The following VPS41 variants were observed in gnomAD, a reference collection of about 807,000 sequenced individuals.
The protein encoded by VPS41 is VPS41 subunit of HOPS complex, also known as vacuolar protein sorting-associated protein 41 homolog.
A neutral mutation model predicts 130.9 loss-of-function variants in VPS41; 85 were observed. The observed-to-expected ratio is 0.65, with a 90% CI of 0.55 to 0.78. VPS41 has a LOEUF of 0.78. VPS41 is among the 30% of genes least tolerant of loss of function. VPS41 has a pLI of 0.00. For synonymous variants in VPS41, 335 were observed against 332.9 expected, an observed-to-expected ratio of 1.01 and a Z score of -0.07; for missense variants, 874 against 1,018.7, an observed-to-expected ratio of 0.86 and a Z score of 1.93.
intron 3 of VPS41, among the ~76,000 whole-genome samples, chr7:38,864,910 T>C (rs1412075613): frequency 6.6e-6 from 1 of 152,106 alleles, no homozygotes; most frequent in Non-Finnish European, 1.5e-5. Context: ...CACAACTGCT[T>C]TTACCTTAAA....
At chr7:38,818,711 C>T (rs79190948) in intron 6 of VPS41, among the ~76,000 whole-genome samples, 2,833 of 152,256 alleles carry the variant, frequency 0.019, 97 homozygotes, top group African/African-American at 0.064. Flanking sequence ...ATCCCCAAAC[C>T]ACCCATGAAA....
At chr7:38,878,283 C>G (rs1221841530) in intron 2 of VPS41, among the ~76,000 whole-genome samples, 1 of 152,006 alleles carries the variant, frequency 6.6e-6, no homozygotes, top group Non-Finnish European at 1.5e-5. Flanking sequence ...CACAAAAAAA[C>G]AGTGAGAAAA....
At chr7:38,874,592 C>A (rs527728836) in intron 2 of VPS41, among the ~76,000 whole-genome samples, 1 of 152,202 alleles carries the variant, frequency 6.6e-6, no homozygotes, top group East Asian at 1.9e-4. Flanking sequence ...TGACTAGGGG[C>A]AAATCCTTTT....
chr7:38,811,394 A>G (rs1246298125), intron 7 of VPS41, among the ~76,000 whole-genome samples: 23 of 152,112 alleles, frequency 1.5e-4, no homozygotes, highest in Admixed American at 1.5e-3. Flanking sequence ...ACTTTTTAGT[A>G]CTTAGTAAAT....
chr7:38,757,088 G>C, intron 18 of VPS41, 106 bp from the exon 19 acceptor site: 2 of 882,716 alleles, frequency 2.3e-6, no homozygotes, highest in South Asian at 3.3e-5. Flanking sequence ...CTCCTTTAGA[G>C]AGAAAAGTTA....
chr7:38,901,860 C>G (rs981501456), intron 1 of VPS41, among the ~76,000 whole-genome samples: 2 of 152,024 alleles, frequency 1.3e-5, no homozygotes, highest in African/African-American at 4.8e-5. Context: ...CAGAAAGATC[C>G]TGTCTCTACA....
chr7:38,761,207 C>T (rs2286083), intron 17 of VPS41, among the ~76,000 whole-genome samples: 12 of 143,658 alleles, frequency 8.4e-5, no homozygotes, highest in South Asian at 2.2e-4. Context: ...TCCCTCCCTT[C>T]CTTTTCTTTC....
intron 5 of VPS41, among the ~76,000 whole-genome samples, chr7:38,821,958 AT>A (rs565631393): frequency 4.0e-5 from 6 of 151,184 alleles, no homozygotes; most frequent in Admixed American, 2.6e-4. Flanking sequence ...GAAAGGGGAG[AT>A]TTTTTTTTAG....
At chr7:38,805,482 G>A (rs905976910) in intron 7 of VPS41, among the ~76,000 whole-genome samples, 4 of 151,712 alleles carry the variant, frequency 2.6e-5, no homozygotes, top group South Asian at 2.1e-4. Context: ...GCAGTGAGCC[G>A]AGATCGCGCC....
At position 38,774,140 on chromosome 7, in the gene VPS41, C is replaced by A. The variant is rs1165637203; in HGVS notation, c.987G>T (p.Glu329Asp). The part of the protein sequence containing the change: ...SDALTVRGFQ[E>D]NECRDYHLEY... ...CTAAATGATAATCTCTACATTCATTCTCCTGAAAGCCTCTGACTGTCAAAG... is the reference window on the plus strand; with the variant it reads ...CTAAATGATAATCTCTACATTCATTATCCTGAAAGCCTCTGACTGTCAAAG... Residue 329 changes from glutamate to aspartate, a missense_variant, in exon 12 of 29, where the codon GAG becomes GAT. Coordinates refer to ENST00000310301, the MANE Select transcript of VPS41 (RefSeq NM_014396.4). 6.2e-7 allele frequency: 1 copy of A among 1,606,360 alleles called. No individual in the cohort carries two copies. The highest frequency in any genetic ancestry group is 1.1e-5 in the South Asian group (1 of 90,100).
chr7:38,814,827 AT>A, intron 7 of VPS41, among the ~76,000 whole-genome samples: 1 of 152,306 alleles, frequency 6.6e-6, no homozygotes, highest in Non-Finnish European at 1.5e-5. Flanking sequence ...GAAATTGGAA[AT>A]TGAAAATCAA....
chr7:38,772,410 G>T, intron 13 of VPS41, 112 bp downstream of exon 13: 2 of 677,030 alleles, frequency 3.0e-6, no homozygotes, highest in East Asian at 3.1e-5. Flanking sequence ...CATATTTTTG[G>T]CTTGGGAAAC....
intron 1 of VPS41, among the ~76,000 whole-genome samples, chr7:38,903,834 A>G (rs1310381299): frequency 1.3e-5 from 2 of 152,202 alleles, no homozygotes; most frequent in African/African-American, 2.4e-5. Flanking sequence ...ATGAGGACTC[A>G]GGTTACCAAG....
intron 2 of VPS41, among the ~76,000 whole-genome samples, chr7:38,882,928 G>C (rs1171703871): frequency 1.3e-5 from 2 of 152,090 alleles, no homozygotes; most frequent in African/African-American, 4.8e-5. Flanking sequence ...ACTCTCCAAT[G>C]CTTTCCAGCT....
At chr7:38,770,302 A>G (rs1784131115) in intron 14 of VPS41, among the ~76,000 whole-genome samples, 1 of 151,306 alleles carries the variant, frequency 6.6e-6, no homozygotes, top group East Asian at 1.9e-4. Context: ...AACTGCCCAC[A>G]TAACCAAGCA....
chr7:38,766,708 T>TGATAGTGAGTTAGTTCTCAC (rs1784051495), intron 15 of VPS41, among the ~76,000 whole-genome samples: 1 of 150,814 alleles, frequency 6.6e-6, no homozygotes, highest in Non-Finnish European at 1.5e-5. Flanking sequence ...CCTGTTTTCA[T>TGATAGTGAGTTAGTTCTCAC]GATAGTGAGT....
intron 1 of VPS41, among the ~76,000 whole-genome samples, chr7:38,907,072 T>C (rs1176570632): frequency 7.5e-6 from 1 of 132,974 alleles, no homozygotes; most frequent in African/African-American, 2.7e-5. Context: ...CACAGAAATA[T>C]ACAGGGAAAA....
At chr7:38,831,417 A>G in intron 4 of VPS41, 1 of 343,676 alleles carries the variant, frequency 2.9e-6, no homozygotes, top group South Asian at 2.4e-5. Flanking sequence ...TGTGACTAGT[A>G]CTGGAAAGCA....
chr7:38,897,413 A>C (rs1787027454), intron 2 of VPS41, among the ~76,000 whole-genome samples: 1 of 151,978 alleles, frequency 6.6e-6, no homozygotes, highest in Admixed American at 6.6e-5. Flanking sequence ...TGGGAGGCAG[A>C]GGCGGGTGGA....
Sources: gnomAD v4.1 joint callset for allele counts (sites outside exome capture counted in the v4.1 genomes callset) on GRCh38, gnomAD v4.1.1 for gene constraint, MANE v1.5 for transcripts, NCBI Gene and HGNC (gene_info 2026-07-23, HGNC 2026-07-21) for gene names.